Variants in ZYG11A observed in about 807,000 individuals in gnomAD.
ZYG11A encodes the protein protein zyg-11 homolog A.
In ZYG11A, 62 loss-of-function variants were observed where a neutral mutation model predicts 77.2. The observed-to-expected ratio is 0.80, with a 90% CI of 0.65 to 0.99. The LOEUF is 0.99. Ranked by LOEUF, ZYG11A falls within the 50% of genes least tolerant of loss-of-function variation. The pLI is 0.00. For synonymous variants in ZYG11A, 315 were observed against 324.6 expected (o/e 0.97, Z 0.32); for missense variants, 828 against 896.8 (o/e 0.92, Z 0.98).
intron 2 of ZYG11A, among the ~76,000 whole-genome samples, chr1:52,855,260 G>T (rs1227096759): frequency 6.6e-6 from 1 of 151,732 alleles, no homozygotes; most frequent in Admixed American, 6.6e-5. Flanking sequence ...TGGGCTTAAA[G>T]AACTCCACTA....
At chr1:52,855,300 T>A (rs1393852581) in intron 2 of ZYG11A, among the ~76,000 whole-genome samples, 1 of 152,048 alleles carries the variant, frequency 6.6e-6, no homozygotes, top group African/African-American at 2.4e-5. Context: ...GGGCATTTTA[T>A]TATTTATTTA....
chr1:52,850,310 C>T (rs77136956), intron 1 of ZYG11A, among the ~76,000 whole-genome samples: 1,775 of 151,220 alleles, frequency 0.012, 22 homozygotes, highest in African/African-American at 0.041. Context: ...AGCACCGGTA[C>T]GCCCAGCTAT....
chr1:52,846,498 G>A (rs1284811137), intron 1 of ZYG11A, among the ~76,000 whole-genome samples: 1 of 151,010 alleles, frequency 6.6e-6, no homozygotes, highest in Non-Finnish European at 1.5e-5. Context: ...GACTATAGGT[G>A]CACGCCACCA....
In ZYG11A at chr1:52,857,177, A is replaced by AT; in HGVS notation, c.436_437insT (p.Ser146MetfsTer7). 1 of 1,552,130 alleles carries AT rather than the reference A, an allele frequency of 6.4e-7. No individual in the cohort carries two copies. The highest frequency in any genetic ancestry group is 8.7e-7 in the Non-Finnish European group (1 of 1,147,094). On this transcript the variant is annotated frameshift_variant, in exon 3 of 14. Coordinates refer to ENST00000371528, the MANE Select transcript of ZYG11A (RefSeq NM_001004339.3). LOFTEE classifies it high-confidence loss of function. ...TGACCTCCCAGTTCCAGACATCATA[A>AT]GTGGACTCTGCAGCAATAGGTGGAT... is the stretch of plus-strand genomic sequence containing the variant.
chr1:52,865,218 G>A (rs946090998), intron 5 of ZYG11A, among the ~76,000 whole-genome samples: 5 of 151,650 alleles, frequency 3.3e-5, no homozygotes. Context: ...TGGGATTACA[G>A]GAGGGAGCCA....
At chr1:52,867,951 C>T (rs1161015781) in intron 8 of ZYG11A, among the ~76,000 whole-genome samples, 174 bp downstream of exon 8, 6 of 147,846 alleles carry the variant, frequency 4.1e-5, no homozygotes, top group Admixed American at 2.0e-4. Flanking sequence ...TATGTACCTC[C>T]ACATTTCTTT....
At chr1:52,858,038 C>T (rs74213071) in intron 3 of ZYG11A, among the ~76,000 whole-genome samples, 6 of 151,716 alleles carry the variant, frequency 4.0e-5, no homozygotes, top group East Asian at 2.0e-4. Context: ...CTGCTTGCCT[C>T]GGCTTCCCAA....
At chr1:52,877,565 A>G in intron 8 of ZYG11A, 117 bp from the exon 9 acceptor site, 4 of 720,026 alleles carry the variant, frequency 5.6e-6, no homozygotes, top group Non-Finnish European at 8.9e-6. Flanking sequence ...ACAGCTACTA[A>G]GTGGCAGAAC....
At position 52,894,334 on chromosome 1, in the gene ZYG11A, C is replaced by T. The variant is rs773701572; in HGVS notation, c.*1377C>T. 3 of 152,138 alleles carry T rather than the reference C, an allele frequency of 2.0e-5. No individual in the cohort carries two copies. Among genetic ancestry groups the T allele is most frequent in the Non-Finnish European group, 2.9e-5 (2 of 68,034 alleles). 9.4% of individuals were successfully genotyped at this position (152,138 alleles called of 1,614,324 possible). ...ACGAAAGGCCAGAAAGAGACTTTGCCAGAGAGTTCACGGAGTTTTCTTACC... is the reference window on the plus strand; with the variant it reads ...ACGAAAGGCCAGAAAGAGACTTTGCTAGAGAGTTCACGGAGTTTTCTTACC... On this transcript the variant is annotated 3_prime_UTR_variant, in exon 14 of 14. Transcript: ENST00000371528.
intron 13 of ZYG11A, among the ~76,000 whole-genome samples, chr1:52,890,002 G>C (rs1009402500): frequency 1.3e-5 from 2 of 149,548 alleles, no homozygotes; most frequent in Non-Finnish European, 2.9e-5. Context: ...CGTGAGCCAC[G>C]GCGCCTGGCC....
chr1:52,854,636 G>A lies in ZYG11A; in HGVS notation c.256+6G>A, dbSNP rs1369881738. 4.0e-6 allele frequency: 6 copies of A among 1,516,844 alleles called. No individual in the cohort carries two copies. In the Admixed American group the frequency reaches 1.0e-4, roughly 26 times the overall value. The allele number at this position is 1,516,844 out of a possible 1,614,324, so 94.0% of individuals were successfully genotyped here. A position where few individuals can be genotyped will look rare whatever the true frequency, so the allele number is the denominator to read the frequency against. On this transcript the variant is annotated splice_donor_region_variant and intron_variant, in intron 2 of 13. Transcript: ENST00000371528. ...CAGGGTGATGACTTGGCAAGGTAGT[G>A]ATAAGGCTTCTCTAAAGTCAGCTCT...
At chr1:52,845,952 C>T (rs141290487) in intron 1 of ZYG11A, among the ~76,000 whole-genome samples, 3 of 152,030 alleles carry the variant, frequency 2.0e-5, no homozygotes, top group Non-Finnish European at 2.9e-5. Flanking sequence ...CCACTGTGCC[C>T]GGCCTTTCTG....
At chr1:52,868,591 A>G (rs951039902) in intron 8 of ZYG11A, among the ~76,000 whole-genome samples, 7 of 151,860 alleles carry the variant, frequency 4.6e-5, no homozygotes, top group Admixed American at 1.3e-4. Context: ...ACCATCTTGG[A>G]CAACGTGGTG....
chr1:52,863,011 T>A lies in ZYG11A; in HGVS notation c.1150-970T>A, dbSNP rs538002864. Among the ~76,000 whole-genome samples, 289 of 152,288 alleles carry A rather than the reference T, an allele frequency of 1.9e-3. 4 individuals are homozygous for A. The highest frequency in any genetic ancestry group is 1.4e-3 in the Non-Finnish European group (94 of 68,024). ...GTGTTGCCTAGGCTGAATTTAGATG[T>A]TCTAAATTTCTTTTCATACCAGGAT... On this transcript the variant is annotated intron_variant, in intron 4 of 13. Transcript: ENST00000371528.
chr1:52,874,954 C>T (rs1646236364), intron 8 of ZYG11A, among the ~76,000 whole-genome samples: 1 of 152,202 alleles, frequency 6.6e-6, no homozygotes, highest in African/African-American at 2.4e-5. Context: ...CTTTTGTATG[C>T]AGTGGGAAAA....
rs998498534 is a variant in ZYG11A at position 52,877,781 on chromosome 1, C to T, written c.1642C>T (p.Pro548Ser). 47 of 1,551,726 alleles carry T rather than the reference C, an allele frequency of 3.0e-5. No individual in the cohort carries two copies. The highest frequency in any genetic ancestry group is 3.8e-5 in the Non-Finnish European group (44 of 1,147,034). Reference protein sequence around the residue: ...KALWNLTDGSPAACKHFIENQ... With the variant: ...KALWNLTDGSSAACKHFIENQ... ...ACTTTGGAATCTTACAGATGGGTCT[C>T]CAGCTGCCTGCAAGCACTTCATTGA... Residue 548 changes from proline (P) to serine (S), a missense_variant, in exon 9 of 14, where the codon CCA (proline) becomes TCA (serine). Physicochemically the swap from Pro to Ser is moderately conservative, Grantham distance 74 (BLOSUM62 -1). Transcript: ENST00000371528.
At chr1:52,847,932 C>T (rs903575885) in intron 1 of ZYG11A, among the ~76,000 whole-genome samples, 7 of 151,746 alleles carry the variant, frequency 4.6e-5, no homozygotes, top group East Asian at 1.9e-4. Context: ...TGCAGTGGCG[C>T]GATCTCAGCT....
At chr1:52,851,138 G>A (rs2149988737) in intron 1 of ZYG11A, among the ~76,000 whole-genome samples, 1 of 151,924 alleles carries the variant, frequency 6.6e-6, no homozygotes, top group South Asian at 2.1e-4. Flanking sequence ...TTGACCTCCT[G>A]GGCTCAAGCA....
At position 52,872,045 on chromosome 1, in the gene ZYG11A, A is replaced by G. The variant is rs151244021; in HGVS notation, c.1542+4268A>G. Among the ~76,000 whole-genome samples, 17 of 152,338 alleles carry G rather than the reference A, an allele frequency of 1.1e-4. No individual in the cohort carries two copies. In the East Asian group the frequency reaches 3.1e-3, roughly 28 times the overall value. ...CTTGTTAACTTGTATGTCTGTTTAC[A>G]ATAGAGATGAAATCAAGAATAAAAA... On this transcript the variant is annotated intron_variant, in intron 8 of 13. Transcript: ENST00000371528.
Sources: allele counts gnomAD v4.1 joint callset (sites outside exome capture counted in the v4.1 genomes callset), GRCh38; gene constraint gnomAD v4.1.1; transcripts MANE v1.5; gene names NCBI Gene and HGNC (gene_info 2026-07-23, HGNC 2026-07-21).